Variants in LAMA5 observed in about 807,000 individuals in gnomAD.
The protein encoded by LAMA5 is laminin subunit alpha-5.
A neutral mutation model predicts 433.4 loss-of-function variants in LAMA5; 260 were observed. The ratio of observed to expected loss-of-function variants is 0.60; its 90% CI spans 0.54 to 0.66. The LOEUF (loss-of-function observed/expected upper bound fraction) is 0.66. Ranked by LOEUF, LAMA5 falls within the 30% of genes least tolerant of loss-of-function variation. The probability of loss-of-function intolerance (pLI) is 0.00; values close to 1 mark genes in which losing one functional copy is unlikely to be tolerated. For synonymous variants in LAMA5, 2,620 were observed against 2,226.6 expected (o/e 1.18, Z -4.97); for missense variants, 5,378 against 5,258.5 (o/e 1.02, Z -0.70).
At chr20:62,365,650 C>T (rs1266942960) in intron 1 of LAMA5, among the ~76,000 whole-genome samples, 2 of 152,162 alleles carry the variant, frequency 1.3e-5, no homozygotes, top group African/African-American at 2.4e-5. Flanking sequence ...TCCTGAGACC[C>T]GGCCCCTCTG....
At chr20:62,316,120 C>A in intron 57 of LAMA5, 62 bp from the exon 58 acceptor site, 1 of 1,168,130 alleles carries the variant, frequency 8.6e-7, no homozygotes, top group South Asian at 1.3e-5. Flanking sequence ...TTGCAGCCCA[C>A]CTCCACCCTT....
chr20:62,337,075 C>T (rs370189390), intron 16 of LAMA5: 6 of 631,448 alleles, frequency 9.5e-6, no homozygotes, highest in East Asian at 3.2e-5. Context: ...TGAACAAGCA[C>T]ACAAACGCAC....
intron 1 of LAMA5, among the ~76,000 whole-genome samples, chr20:62,362,929 A>C (rs2146371764): frequency 1.3e-5 from 2 of 152,202 alleles, no homozygotes; most frequent in Middle Eastern, 3.4e-3. Context: ...GGGGGCAGGA[A>C]GAGTCTCACA....
Position 62,352,149 on chromosome 20 carries a change from C to G in LAMA5, c.688-70G>C, listed in dbSNP as rs1286768220. 3.2e-6 allele frequency: 5 copies of G among 1,583,788 alleles called. No individual in the cohort carries two copies. The Admixed American group carries it at 6.9e-5, about 22-fold the overall frequency. On this transcript the variant is annotated intron_variant, in intron 4 of 79. Transcript: ENST00000252999. ...TCAGCACTGCCCCTCCCGGGCCCAC[C>G]TTTCCCTTCTCCAGCCCCGCTCGGC...
At position 62,310,206 on chromosome 20, in the gene LAMA5, T is replaced by G. The variant is rs761682130; in HGVS notation, c.10706A>C (p.Tyr3569Ser). The change falls in exon 77 of 80, where the codon TAC becomes TCC. Residue 3569 changes from tyrosine to serine, a missense_variant. By Grantham distance (144) the Tyr-to-Ser change is moderately radical. Coordinates refer to ENST00000252999, the MANE Select transcript of LAMA5 (RefSeq NM_005560.6). ...CTTCTCGGTCACCTGCAACTGCAAGTAGGGGGGCGTCCGGGCCTGGCCCAA... is the reference window on the plus strand; with the variant it reads ...CTTCTCGGTCACCTGCAACTGCAAGGAGGGGGGCGTCCGGGCCTGGCCCAA... ...FHLGQARTPP[Y>S]LQLQVTEKQV... 6.2e-7 allele frequency: 1 copy of G among 1,612,490 alleles called. No homozygotes were observed. The highest frequency in any genetic ancestry group is 1.1e-5 in the South Asian group (1 of 91,084).
chr20:62,316,942 G>T lies in LAMA5; in HGVS notation c.7593C>A (p.Ala2531=). ...ASNAYSRILQ[A]VQAAEDAAGQ... The stretch of plus-strand genomic sequence containing the variant: ...CAGCAGCATCCTCGGCAGCCTGCAC[G>T]GCCTGCAGGATGCGGCTGTAGGCGT... The change falls in exon 56 of 80, where the codon GCC becomes GCA. Residue 2531 remains alanine, a synonymous_variant. Transcript: ENST00000252999. The T allele has an allele frequency of 6.4e-7, 1 of 1,565,924 alleles. No homozygotes were observed. The highest frequency in any genetic ancestry group is 8.7e-7 in the Non-Finnish European group (1 of 1,152,482).
At position 62,314,226 on chromosome 20, in the gene LAMA5, A is replaced by G. The variant is rs1986682713; in HGVS notation, c.8504+78T>C. ...TGGAGAGGTGAAGGGTGGTGGGTGC[A>G]CACGGAGAGGGGAGAGATGGCGAAC... is the stretch of plus-strand genomic sequence containing the variant. On this transcript the variant is annotated intron_variant, in intron 62 of 79. Transcript: ENST00000252999. The G allele has an allele frequency of 4.6e-6, 7 of 1,524,348 alleles. No individual in the cohort carries two copies. In the Admixed American group the frequency reaches 1.2e-4, roughly 27 times the overall value. The allele number at this position is 1,524,348 out of a possible 1,614,324, so 94.4% of individuals were successfully genotyped here.
At chr20:62,353,482 G>A (rs981414052) in intron 2 of LAMA5, 10 of 495,424 alleles carry the variant, frequency 2.0e-5, no homozygotes, top group East Asian at 7.3e-5. Flanking sequence ...AGGGCTCCCC[G>A]CCTGGGCTCG....
At position 62,351,554 on chromosome 20, in the gene LAMA5, C is replaced by T. The variant is rs637984; in HGVS notation, c.956+150G>A. The T allele has an allele frequency of 0.94, 659,537 of 699,756 alleles. 313,721 individuals carry two copies. Among genetic ancestry groups the T allele is most frequent in the Non-Finnish European group, 0.98 (396,199 of 403,294 alleles). The allele number at this position is 699,756 out of a possible 1,614,324, so 43.3% of individuals were successfully genotyped here. A position where few individuals can be genotyped will look rare whatever the true frequency, so the allele number is the denominator to read the frequency against. ...GATGAGGAAACTGAGGCACACACGG[C>T]GGTGGTCAGTGCAGGTCACACAGAC... On this transcript the variant is annotated intron_variant, in intron 6 of 79. Coordinates refer to ENST00000252999, the MANE Select transcript of LAMA5 (RefSeq NM_005560.6).
chr20:62,329,018 C>T lies in LAMA5; in HGVS notation c.4273G>A (p.Ala1425Thr). ...SSSLFCRNAAASLSLFYNNGA... is the reference protein window; with the variant it reads ...SSSLFCRNAATSLSLFYNNGA... ...TTGTTATAGAAGAGGGAGAGGGAAGCAGCAGCGTTTCGGCAGAACAGGGAT... is the reference window on the plus strand; with the variant it reads ...TTGTTATAGAAGAGGGAGAGGGAAGTAGCAGCGTTTCGGCAGAACAGGGAT... Residue 1425 changes from alanine to threonine, a missense_variant, in exon 34 of 80, where the codon GCT becomes ACT. Coordinates refer to ENST00000252999, the MANE Select transcript of LAMA5 (RefSeq NM_005560.6). 1 of 1,612,704 alleles carries T rather than the reference C, an allele frequency of 6.2e-7. No individual in the cohort carries two copies. Among genetic ancestry groups the T allele is most frequent in the Non-Finnish European group, 8.5e-7 (1 of 1,179,886 alleles).
At position 62,329,119 on chromosome 20, in the gene LAMA5, C is replaced by T. The variant is rs1179504819; in HGVS notation, c.4235+19G>A. 1.1e-5 allele frequency: 18 copies of T among 1,612,128 alleles called. No homozygotes were observed. Among genetic ancestry groups the T allele is most frequent in the Admixed American group, 3.3e-5 (2 of 59,954 alleles). On this transcript the variant is annotated intron_variant, in intron 33 of 79. Transcript: ENST00000252999. ...CAGACCCCCACCCCGGACCCCTGAC[C>T]TGCCAGAGCCCTGCCCACCTGATGT...
At chr20:62,314,138 G>A (rs1205141869) in intron 62 of LAMA5, among the ~76,000 whole-genome samples, 166 bp downstream of exon 62, 13 of 145,786 alleles carry the variant, frequency 8.9e-5, no homozygotes, top group Non-Finnish European at 9.1e-5. Context: ...GAGGGGTGGC[G>A]AGTGGGCACA....
At position 62,309,390 on chromosome 20, in the gene LAMA5, A is replaced by G; in HGVS notation, c.11034T>C (p.Thr3678=). 6.3e-7 allele frequency: 1 copy of G among 1,589,372 alleles called. No homozygotes were observed. The stretch of plus-strand genomic sequence containing the variant: ...CTGCCCCGTGGACCTCCACAGAGCG[A>G]GTCATGGCGACGGGGGACCGGTTCA... The part of the protein sequence containing the change: ...LAVNRSPVAM[T]RSVEVHGAVG... Residue 3678 remains threonine, a synonymous_variant, in exon 80 of 80, where the codon ACT becomes ACC. Coordinates refer to ENST00000252999, the MANE Select transcript of LAMA5 (RefSeq NM_005560.6).
intron 2 of LAMA5, among the ~76,000 whole-genome samples, chr20:62,354,927 GA>G (rs1984944762): frequency 6.6e-6 from 1 of 152,168 alleles, no homozygotes; most frequent in African/African-American, 2.4e-5. Context: ...GAGGAAACAC[GA>G]ACCTCTCCCC....
chr20:62,333,349 G>T (rs754687349), intron 25 of LAMA5, 26 bp downstream of exon 25: 4 of 1,602,998 alleles, frequency 2.5e-6, no homozygotes, highest in Non-Finnish European at 3.4e-6. Context: ...CCCCCACCCC[G>T]GTCCCACCGC....
chr20:62,344,000 T>A (rs186896580), intron 11 of LAMA5, among the ~76,000 whole-genome samples: 1 of 151,638 alleles, frequency 6.6e-6, no homozygotes, highest in Admixed American at 6.6e-5. Flanking sequence ...CAAAATTAGC[T>A]GGGCTTAGTG....
At position 62,337,878 on chromosome 20, in the gene LAMA5, C is replaced by T. The variant is rs539981090; in HGVS notation, c.1952G>A (p.Arg651His). Residue 651 changes from arginine (R) to histidine (H), a missense_variant, in exon 15 of 80, where the codon CGC (arginine) becomes CAC (histidine). By Grantham distance (29) the Arg-to-His change is conservative. Coordinates refer to ENST00000252999, the MANE Select transcript of LAMA5 (RefSeq NM_005560.6). ...AGTGCCTGTGTAGCCGGGGCGGCAGCGGCACAAACCTCCCGCCCCACAGAG... is the reference window on the plus strand; with the variant it reads ...AGTGCCTGTGTAGCCGGGGCGGCAGTGGCACAAACCTCCCGCCCCACAGAG... ...DQLCGAGGLCRCRPGYTGTAC... is the reference protein window; with the variant it reads ...DQLCGAGGLCHCRPGYTGTAC... 3.9e-5 allele frequency: 63 copies of T among 1,612,324 alleles called. No individual in the cohort carries two copies. The highest frequency in any genetic ancestry group is 5.1e-5 in the Non-Finnish European group (60 of 1,179,838).
At chr20:62,311,816 T>TGGGGGCC in intron 70 of LAMA5, 32 bp from the exon 71 acceptor site, 8 of 1,520,968 alleles carry the variant, frequency 5.3e-6, no homozygotes, top group Non-Finnish European at 6.2e-6. Context: ...GCTCGGTTTT[T>TGGGGGCC]CCCCACCCTG....
Position 62,333,425 on chromosome 20 carries a change from C to T in LAMA5, c.3078G>A (p.Arg1026=). ...AYYEAALLQL[R]VTEACTYRPS... Reference sequence around the variant, plus strand: ...GACGGTATGTGCAGGCCTCAGTCACCCGCAGCTGCAGGAGCGCCGCCTCGT... The same window carrying T: ...GACGGTATGTGCAGGCCTCAGTCACTCGCAGCTGCAGGAGCGCCGCCTCGT... The change falls in exon 25 of 80, where the codon CGG becomes CGA. Residue 1026 remains arginine, a synonymous_variant. Coordinates refer to ENST00000252999, the MANE Select transcript of LAMA5 (RefSeq NM_005560.6). 2 of 1,612,778 alleles carry T rather than the reference C, an allele frequency of 1.2e-6. No individual in the cohort carries two copies. Among genetic ancestry groups the T allele is most frequent in the Non-Finnish European group, 8.5e-7 (1 of 1,179,902 alleles).
Sources: allele counts gnomAD v4.1 joint callset (sites outside exome capture counted in the v4.1 genomes callset), GRCh38; gene constraint gnomAD v4.1.1; transcripts MANE v1.5; gene names NCBI Gene and HGNC (gene_info 2026-07-23, HGNC 2026-07-21).